The following TGFBR2 variants were observed in gnomAD, a reference collection of about 807,000 sequenced individuals.
TGFBR2 encodes TGF-beta receptor type-2.
Under a neutral mutation model 49.0 loss-of-function variants are expected in TGFBR2, and 18 were observed. The observed-to-expected ratio is 0.37, with a 90% CI of 0.25 to 0.54. The LOEUF (loss-of-function observed/expected upper bound fraction) is 0.54. TGFBR2 is among the 20% of genes least tolerant of loss of function. The pLI is 0.85. For synonymous variants in TGFBR2, 282 were observed against 275.9 expected, an observed-to-expected ratio of 1.02 and a Z score of -0.22; for missense variants, 525 against 722.6, an observed-to-expected ratio of 0.73 and a Z score of 3.13.
chr3:30,685,304 A>G (rs1699601765), intron 5 of TGFBR2, among the ~76,000 whole-genome samples: 1 of 152,236 alleles, frequency 6.6e-6, no homozygotes, highest in African/African-American at 2.4e-5. Context: ...CTTCACAAGA[A>G]GGGGCTACAT....
chr3:30,691,554 G>T lies in TGFBR2; in HGVS notation c.1659G>T (p.Ser553=). 6.2e-7 allele frequency: 1 copy of T among 1,614,112 alleles called. No individual in the cohort carries two copies. Among genetic ancestry groups the T allele is most frequent in the South Asian group, 1.1e-5 (1 of 91,072 alleles). The change falls in exon 7 of 7, where the codon TCG becomes TCT. Residue 553 remains serine (S), a synonymous_variant. Transcript: ENST00000295754. ...HLDRLSGRSC[S]EEKIPEDGSL... ...ACAGGCTCTCGGGGAGGAGCTGCTC[G>T]GAGGAGAAGATTCCTGAAGACGGCT...
At chr3:30,627,139 C>A (rs776354972) in intron 1 of TGFBR2, among the ~76,000 whole-genome samples, 1 of 152,090 alleles carries the variant, frequency 6.6e-6, no homozygotes, top group African/African-American at 2.4e-5. Context: ...TTCAGTATCC[C>A]CCAATTTATC....
chr3:30,643,754 C>A (rs1698683167), intron 1 of TGFBR2, among the ~76,000 whole-genome samples: 1 of 152,142 alleles, frequency 6.6e-6, no homozygotes, highest in Non-Finnish European at 1.5e-5. Context: ...TTTCATGGAG[C>A]TTACATTTTT....
In TGFBR2 at chr3:30,672,879, A is replaced by C. The variant is rs1575158365; in HGVS notation, c.1254+442A>C. On this transcript the variant is annotated intron_variant, in intron 4 of 6. Transcript: ENST00000295754. This position sits in a 1 kb window ranked among gnomAD's most constrained non-coding sequence, Gnocchi z 4.5. ...CCCTGAAGTCCAAATCTACATCCAC[A>C]TGGTCACCCAAGATATGTAGCACAA... is the stretch of plus-strand genomic sequence containing the variant. Among the ~76,000 whole-genome samples, 1 of 152,250 alleles carries C rather than the reference A, an allele frequency of 6.6e-6. No homozygotes were observed. Among genetic ancestry groups the C allele is most frequent in the Admixed American group, 6.5e-5 (1 of 15,290 alleles).
At chr3:30,662,234 T>A (rs1279744331) in intron 3 of TGFBR2, among the ~76,000 whole-genome samples, 1 of 152,186 alleles carries the variant, frequency 6.6e-6, no homozygotes, top group South Asian at 2.1e-4. Flanking sequence ...GTTAGAAATA[T>A]TGTGATTTGA....
At position 30,672,143 on chromosome 3, in the gene TGFBR2, A is replaced by C; in HGVS notation, c.960A>C (p.Gln320His). ...AEERKTELGK[Q>H]YWLITAFHAK... ...AGCGGAAGACGGAGTTGGGGAAACA[A>C]TACTGGCTGATCACCGCCTTCCACG... The change falls in exon 4 of 7, where the codon CAA (glutamine) becomes CAC (histidine). Residue 320 changes from glutamine to histidine, a missense_variant. Gln to His is a conservative substitution (Grantham distance 24, BLOSUM62 0). Around this residue, in one of 3 missense-constraint regions of TGFBR2, gnomAD observed 376 missense variants for 478.2 expected, o/e 0.79. Coordinates refer to ENST00000295754, the MANE Select transcript of TGFBR2 (RefSeq NM_003242.6). The surrounding 1 kb of genome is among the most constrained non-coding windows in gnomAD (Gnocchi z 4.5). 1 of 1,614,118 alleles carries C rather than the reference A, an allele frequency of 6.2e-7. No individual in the cohort carries two copies. The highest frequency in any genetic ancestry group is 1.1e-5 in the South Asian group (1 of 91,080).
chr3:30,675,222 G>A (rs1413817458), intron 5 of TGFBR2, among the ~76,000 whole-genome samples: 1 of 152,130 alleles, frequency 6.6e-6, no homozygotes, highest in Admixed American at 6.5e-5. Flanking sequence ...GCAGCCCAAC[G>A]CAAGCTCTCA....
intron 5 of TGFBR2, among the ~76,000 whole-genome samples, chr3:30,687,509 C>T (rs1699643709): frequency 1.3e-5 from 2 of 152,234 alleles, no homozygotes; most frequent in African/African-American, 4.8e-5. Flanking sequence ...CACACATGAG[C>T]CACAGCACCT....
chr3:30,643,956 G>A (rs1226793968), intron 1 of TGFBR2, among the ~76,000 whole-genome samples: 2 of 152,186 alleles, frequency 1.3e-5, no homozygotes, highest in Admixed American at 1.3e-4. Context: ...GGGGGCAGGA[G>A]ATTGGTGATG....
intron 1 of TGFBR2, among the ~76,000 whole-genome samples, chr3:30,610,490 A>G (rs1399008931): frequency 6.6e-6 from 1 of 152,172 alleles, no homozygotes; most frequent in African/African-American, 2.4e-5. Context: ...TTCCATAGCC[A>G]GCATGATGGA....
chr3:30,686,370 G>T (rs1699623113), intron 5 of TGFBR2, among the ~76,000 whole-genome samples: 1 of 152,134 alleles, frequency 6.6e-6, no homozygotes, highest in Non-Finnish European at 1.5e-5. Context: ...AAATGCTTGG[G>T]TCCTTTGAGG....
chr3:30,689,041 G>A (rs1425910257), intron 6 of TGFBR2, among the ~76,000 whole-genome samples: 1 of 152,202 alleles, frequency 6.6e-6, no homozygotes, highest in Non-Finnish European at 1.5e-5. Flanking sequence ...TGGGAAAGAG[G>A]AGACCGACTC....
Position 30,693,625 on chromosome 3 carries a change from C to T in TGFBR2, c.*2026C>T. On this transcript the variant is annotated 3_prime_UTR_variant, in exon 7 of 7. Transcript: ENST00000295754. ...GGGCTGAGAGTTAAAGACAGTGTGG[C>T]TGCAGTAGCATAGAGGCGCCTAGAA... The T allele has an allele frequency of 4.3e-6, 1 of 233,548 alleles. No individual in the cohort carries two copies. The highest frequency in any genetic ancestry group is 8.5e-6 in the Non-Finnish European group (1 of 117,906). 14.5% of individuals were successfully genotyped at this position (233,548 alleles called of 1,614,324 possible).
At chr3:30,642,101 C>G (rs989870646) in intron 1 of TGFBR2, among the ~76,000 whole-genome samples, 3 of 152,276 alleles carry the variant, frequency 2.0e-5, no homozygotes, top group East Asian at 3.9e-4. Flanking sequence ...TCTTATCTAT[C>G]GCTGCTCACT....
rs769570752 is a variant in TGFBR2 at position 30,644,772 on chromosome 3, C to T, written c.120C>T (p.Asp40=). 2.5e-6 allele frequency: 4 copies of T among 1,614,004 alleles called. No homozygotes were observed. Among genetic ancestry groups the T allele is most frequent in the East Asian group, 4.5e-5 (2 of 44,896 alleles). Residue 40 remains aspartate (D), a synonymous_variant, in exon 2 of 7, where the codon GAC becomes GAT. Coordinates refer to ENST00000295754, the MANE Select transcript of TGFBR2 (RefSeq NM_003242.6). The stretch of plus-strand genomic sequence containing the variant: ...TTAATAACGACATGATAGTCACTGA[C>T]AACAACGGTGCAGTCAAGTTTCCAC... The part of the protein sequence containing the change: ...KSVNNDMIVT[D]NNGAVKFPQL...
chr3:30,656,719 A>C (rs1699008242), intron 3 of TGFBR2, among the ~76,000 whole-genome samples: 1 of 152,210 alleles, frequency 6.6e-6, no homozygotes, highest in African/African-American at 2.4e-5. Context: ...CTTAGAACTG[A>C]ACTGCTTATT....
chr3:30,665,440 A>C (rs1197743315), intron 3 of TGFBR2, among the ~76,000 whole-genome samples: 2 of 152,244 alleles, frequency 1.3e-5, no homozygotes, highest in African/African-American at 4.8e-5. Flanking sequence ...AATAAAGTAG[A>C]TCATGTTTAC....
chr3:30,618,539 A>G (rs1419640836), intron 1 of TGFBR2, among the ~76,000 whole-genome samples: 1 of 152,140 alleles, frequency 6.6e-6, no homozygotes, highest in Non-Finnish European at 1.5e-5. Context: ...TCCGGCCCCA[A>G]GGACCCATTT....
chr3:30,685,582 G>T (rs1328793412), intron 5 of TGFBR2, among the ~76,000 whole-genome samples: 1 of 152,224 alleles, frequency 6.6e-6, no homozygotes, highest in Non-Finnish European at 1.5e-5. Context: ...CTCACTGGAA[G>T]CTCTGGAGAG....
Sources: gnomAD v4.1 joint callset for allele counts (sites outside exome capture counted in the v4.1 genomes callset) on GRCh38, gnomAD v4.1.1 for gene constraint, gnomAD v4.1.1 regional missense constraint, Gnocchi (gnomAD v3.1) non-coding constraint, MANE v1.5 for transcripts, NCBI Gene and HGNC (gene_info 2026-07-23, HGNC 2026-07-21) for gene names.